The following MTRR variants were observed in gnomAD, a reference collection of about 807,000 sequenced individuals.
MTRR encodes the protein 5-methyltetrahydrofolate-homocysteine methyltransferase reductase, also known as methionine synthase reductase.
MTRR carries 63 observed loss-of-function variants against 79.2 expected under a neutral mutation model. The observed-to-expected ratio is 0.80, with a 90% confidence interval of 0.65 to 0.98. The LOEUF is 0.98. MTRR is among the 50% of genes least tolerant of loss of function. The probability of loss-of-function intolerance (pLI) is 0.00; values close to 1 mark genes in which losing one functional copy is unlikely to be tolerated. For synonymous variants in MTRR, 355 were observed against 313.3 expected, an observed-to-expected ratio of 1.13 and a Z score of -1.41; for missense variants, 895 against 839.6, an observed-to-expected ratio of 1.07 and a Z score of -0.82.
At position 7,899,917 on chromosome 5, in the gene MTRR, T is replaced by C. The variant is rs765283033; in HGVS notation, c.1956T>C (p.Asp652=). ...ATCTTATTATTTTCTTTTCTAGAGA[T>C]GCAAAGAATATGGCCAAGGATGTAC... The part of the protein sequence containing the change: ...QENGHIYVCG[D]AKNMAKDVHD... Residue 652 remains aspartate (D), a synonymous_variant, in exon 15 of 15, where the codon GAT becomes GAC. Transcript: ENST00000440940. 6.2e-7 allele frequency: 1 copy of C among 1,614,180 alleles called. No individual in the cohort carries two copies. The highest frequency in any genetic ancestry group is 2.2e-5 in the East Asian group (1 of 44,876).
At chr5:7,861,226 A>G in intron 1 of MTRR, 1 of 1,612,218 alleles carries the variant, frequency 6.2e-7, no homozygotes. Context: ...TTGCTATTGG[A>G]GCAAAACCTT....
At chr5:7,852,371 T>C (rs924545694) in intron 1 of MTRR, among the ~76,000 whole-genome samples, 2 of 151,958 alleles carry the variant, frequency 1.3e-5, no homozygotes, top group African/African-American at 4.8e-5. Flanking sequence ...CCACCACGCT[T>C]TTTCTCTCTC....
At chr5:7,883,064 T>C in intron 5 of MTRR, 91 bp from the exon 6 acceptor site, 1 of 1,568,332 alleles carries the variant, frequency 6.4e-7, no homozygotes, top group Non-Finnish European at 8.8e-7. Flanking sequence ...CAGGAAGTTT[T>C]GTAAGCCCCT....
intron 14 of MTRR, 137 bp from the exon 15 acceptor site, chr5:7,899,777 G>A: frequency 8.5e-7 from 1 of 1,175,808 alleles, no homozygotes; most frequent in South Asian, 1.2e-5. Flanking sequence ...GAGGCTGGGA[G>A]ATCTGTGTGA....
At chr5:7,878,418 A>G (rs1284650452) in intron 5 of MTRR, 96 bp downstream of exon 5, 11 of 1,508,068 alleles carry the variant, frequency 7.3e-6, no homozygotes, top group Non-Finnish European at 7.3e-6. Context: ...GAGGTCAACA[A>G]ACTATGGCTT....
upstream of MTRR, chr5:7,866,552 C>T: frequency 1.1e-6 from 1 of 939,290 alleles, no homozygotes; most frequent in South Asian, 1.7e-5. Flanking sequence ...GGAAGAAAAA[C>T]TAAAGGCAAC....
At chr5:7,881,451 T>G (rs1735581255) in intron 5 of MTRR, among the ~76,000 whole-genome samples, 1 of 152,042 alleles carries the variant, frequency 6.6e-6, no homozygotes, top group African/African-American at 2.4e-5. Flanking sequence ...GAGTTCTTAC[T>G]CTTCATGGGA....
intron 9 of MTRR, among the ~76,000 whole-genome samples, chr5:7,889,479 C>T (rs1737189740): frequency 6.6e-6 from 1 of 152,132 alleles, no homozygotes; most frequent in South Asian, 2.1e-4. Flanking sequence ...TGTGCCCTTC[C>T]AGAAGTCACA....
chr5:7,854,153 G>T (rs1189228091), intron 1 of MTRR, among the ~76,000 whole-genome samples: 1 of 151,936 alleles, frequency 6.6e-6, no homozygotes, highest in Non-Finnish European at 1.5e-5. Flanking sequence ...ATACATTTAG[G>T]CTCCTCATGT....
upstream of MTRR, chr5:7,867,852 C>T: frequency 1.9e-6 from 3 of 1,614,180 alleles, no homozygotes; most frequent in South Asian, 3.3e-5. Context: ...AACACTGGTC[C>T]ACCGAGTGGA....
At chr5:7,897,623 A>G (rs1738758432) in intron 14 of MTRR, among the ~76,000 whole-genome samples, 1 of 152,238 alleles carries the variant, frequency 6.6e-6, no homozygotes, top group East Asian at 1.9e-4. Flanking sequence ...TAAGTAAGAA[A>G]GAAAAAGTAT....
At chr5:7,865,764 C>G (rs1746901440), upstream of MTRR, 1 of 636,240 alleles carries the variant, frequency 1.6e-6, no homozygotes, top group Non-Finnish European at 2.8e-6. Context: ...AAAGAAAAGC[C>G]TATCTGGTGG....
chr5:7,869,048 C>A (rs1210563534), upstream of MTRR: 1 of 1,515,022 alleles, frequency 6.6e-7, no homozygotes. Context: ...CCGTAGCAAA[C>A]GCGGGGCGGG....
intron 1 of MTRR, 42 bp from the exon 2 acceptor site, chr5:7,870,728 C>G: frequency 1.2e-6 from 2 of 1,602,966 alleles, no homozygotes; most frequent in Non-Finnish European, 1.7e-6. Flanking sequence ...TAGGTTGTTA[C>G]TGCTTCATTA....
In MTRR at chr5:7,886,618, C is replaced by T; in HGVS notation, c.1061C>T (p.Ala354Val). The T allele has an allele frequency of 6.2e-7, 1 of 1,612,500 alleles. No homozygotes were observed. Among genetic ancestry groups the T allele is most frequent in the Non-Finnish European group, 8.5e-7 (1 of 1,178,554 alleles). Reference protein sequence around the residue: ...KIKADTKKKGATLPQHIPAGC... With the variant: ...KIKADTKKKGVTLPQHIPAGC... ...TTTCCCGTCTTTACCTGAAAAGGAG[C>T]TACCTTACCCCAGCATATACCTGCG... The change falls in exon 8 of 15, where the codon GCT (alanine) becomes GTT (valine). Residue 354 changes from alanine to valine, a missense_variant. Physicochemically the swap from Ala to Val is moderately conservative, Grantham distance 64. Transcript: ENST00000440940.
chr5:7,861,872 G>A (rs2307116), intron 1 of MTRR: 278,627 of 915,708 alleles, frequency 0.3, 45,209 homozygotes, highest in South Asian at 0.43. Flanking sequence ...GCTCAATAAC[G>A]CTAAACCACA....
At chr5:7,875,415 A>C (rs374413318) in intron 4 of MTRR, 40 bp downstream of exon 4, 1 of 1,435,318 alleles carries the variant, frequency 7.0e-7, no homozygotes, top group Non-Finnish European at 9.8e-7. Context: ...TAAGCCCTCT[A>C]TACATGATGG....
chr5:7,886,952 A>T (rs555494413), intron 8 of MTRR, among the ~76,000 whole-genome samples: 60 of 152,180 alleles, frequency 3.9e-4, no homozygotes, highest in African/African-American at 1.3e-3. Flanking sequence ...GCTTTTTCTT[A>T]GTCTAAATAG....
intron 12 of MTRR, chr5:7,896,477 T>G: frequency 3.6e-6 from 1 of 277,076 alleles, no homozygotes; most frequent in Non-Finnish European, 6.9e-6. Context: ...ATCAGTGTGT[T>G]CACCATTTCG....
Sources: gnomAD v4.1 joint callset for allele counts (sites outside exome capture counted in the v4.1 genomes callset) on GRCh38, gnomAD v4.1.1 for gene constraint, MANE v1.5 for transcripts, NCBI Gene and HGNC (gene_info 2026-07-23, HGNC 2026-07-21) for gene names.